The following TNS1 variants were observed in gnomAD, a reference collection of about 807,000 sequenced individuals.
TNS1 encodes tensin-1.
In TNS1, 62 loss-of-function variants were observed where a neutral mutation model predicts 168.6. The observed-to-expected ratio is 0.37, with a 90% CI of 0.30 to 0.45. TNS1 has a LOEUF of 0.45. TNS1 is among the 20% of genes least tolerant of loss of function. The pLI is 1.00. For synonymous variants in TNS1, 934 were observed against 933.2 expected (o/e 1.00, Z -0.02); for missense variants, 2,240 against 2,339.4 (o/e 0.96, Z 0.88).
At chr2:217,980,514 G>C (rs969267318) in intron 2 of TNS1, among the ~76,000 whole-genome samples, 6 of 64,326 alleles carry the variant, frequency 9.3e-5, no homozygotes, top group Admixed American at 1.7e-4. Flanking sequence ...CACAGAGAGA[G>C]AGAGAGAGAG....
chr2:217,952,212 C>T (rs1298910354), intron 3 of TNS1, among the ~76,000 whole-genome samples: 1 of 152,244 alleles, frequency 6.6e-6, no homozygotes, highest in East Asian at 1.9e-4. Flanking sequence ...GCCCCAGTGC[C>T]TGCATTCACT....
chr2:217,808,536 C>G, intron 31 of TNS1, 67 bp downstream of exon 31: 2 of 1,437,588 alleles, frequency 1.4e-6, no homozygotes, highest in South Asian at 1.2e-5. Flanking sequence ...CATGCACATG[C>G]ATGCACCCAC....
intron 19 of TNS1, among the ~76,000 whole-genome samples, chr2:217,844,521 T>A (rs548062316): frequency 6.6e-6 from 1 of 152,128 alleles, no homozygotes; most frequent in African/African-American, 2.4e-5. Flanking sequence ...TCTCCAAACA[T>A]TTTCTGTGCT....
Position 217,886,107 on chromosome 2 carries a change from G to A in TNS1, c.980-3C>T. 1 of 1,613,990 alleles carries A rather than the reference G, an allele frequency of 6.2e-7. No individual in the cohort carries two copies. The highest frequency in any genetic ancestry group is 8.5e-7 in the Non-Finnish European group (1 of 1,179,956). On this transcript the variant is annotated splice_polypyrimidine_tract_variant and splice_region_variant and intron_variant, in intron 13 of 32. Coordinates refer to ENST00000682258, the MANE Select transcript of TNS1 (RefSeq NM_001387777.1). ...GATGCGGAGAAATGGCCGACATCCT[G>A]TAAAAGTGGGGTGGGTGTTAGCTAA...
chr2:217,835,050 G>A (rs1366686295), intron 21 of TNS1, 41 bp downstream of exon 21: 1 of 1,525,504 alleles, frequency 6.6e-7, no homozygotes, highest in East Asian at 2.5e-5. Context: ...TGAGGGGCTG[G>A]AGGGTACACA....
intron 3 of TNS1, among the ~76,000 whole-genome samples, chr2:217,957,474 T>G (rs1575137202): frequency 6.6e-6 from 1 of 151,984 alleles, no homozygotes; most frequent in East Asian, 1.9e-4. Flanking sequence ...GTAAAAACCA[T>G]GAAATAAGGA....
chr2:217,869,712 T>C (rs1949606078), intron 18 of TNS1, among the ~76,000 whole-genome samples: 1 of 152,240 alleles, frequency 6.6e-6, no homozygotes, highest in Admixed American at 6.5e-5. Flanking sequence ...TTGTAAAGGT[T>C]GCTTTGAAAA....
rs767538088 is a variant in TNS1 at position 217,892,999 on chromosome 2, C to T, written c.731G>A (p.Arg244Lys). ...VVLHNKGNRG[R>K]IGVVIAAYMH... ...GTAAGCCGCGATGACAACTCCTATC[C>T]TGCCTCGGTTTCCCTGAAAGAGCCC... The change falls in exon 11 of 33, where the codon AGG (arginine) becomes AAG (lysine). Residue 244 changes from arginine (R) to lysine (K), a missense_variant. Arg to Lys is a conservative substitution (Grantham distance 26). Transcript: ENST00000682258. The T allele has an allele frequency of 6.2e-7, 1 of 1,614,082 alleles. No homozygotes were observed. Among genetic ancestry groups the T allele is most frequent in the Non-Finnish European group, 8.5e-7 (1 of 1,180,028 alleles).
intron 19 of TNS1, among the ~76,000 whole-genome samples, chr2:217,838,260 G>C (rs917811414): frequency 1.5e-4 from 23 of 152,214 alleles, no homozygotes; most frequent in Non-Finnish European, 1.6e-4. Flanking sequence ...GTTTGCATTT[G>C]AGGCACCGAA....
intron 1 of TNS1, among the ~76,000 whole-genome samples, chr2:218,002,067 A>C (rs1161502772): frequency 2.0e-5 from 3 of 152,104 alleles, no homozygotes; most frequent in Middle Eastern, 3.2e-3. Context: ...GCCCTTCTGC[A>C]GCAGGCAGCC....
chr2:217,829,829 G>T, intron 22 of TNS1: 1 of 1,614,026 alleles, frequency 6.2e-7, no homozygotes, highest in Non-Finnish European at 8.5e-7. Flanking sequence ...GGAAGTCACA[G>T]CAAATGCTAC....
At chr2:217,810,051 C>T (rs1940549117) in intron 29 of TNS1, 60 bp from the exon 30 acceptor site, 1 of 1,565,866 alleles carries the variant, frequency 6.4e-7, no homozygotes, top group Admixed American at 1.7e-5. Flanking sequence ...GACATTAACC[C>T]AGATCCATTC....
At chr2:217,907,319 T>C (rs1393417256) in intron 4 of TNS1, 68 bp from the exon 5 acceptor site, 1 of 699,796 alleles carries the variant, frequency 1.4e-6, no homozygotes, top group Non-Finnish European at 2.6e-6. Flanking sequence ...TCTCTCCCCA[T>C]GGCTAGTGGC....
At chr2:217,981,187 C>G (rs149930805) in intron 2 of TNS1, among the ~76,000 whole-genome samples, 1 of 152,206 alleles carries the variant, frequency 6.6e-6, no homozygotes, top group Admixed American at 6.5e-5. Flanking sequence ...GGAGGCCCAT[C>G]CCCTGGGCAG....
chr2:217,957,296 C>G (rs187176735), intron 3 of TNS1, among the ~76,000 whole-genome samples: 2 of 152,184 alleles, frequency 1.3e-5, no homozygotes, highest in Non-Finnish European at 2.9e-5. Flanking sequence ...CAAGCTCCCC[C>G]TCCCTGCCCA....
chr2:218,014,850 T>A (rs1043943260), upstream of TNS1, among the ~76,000 whole-genome samples: 1 of 143,912 alleles, frequency 6.9e-6, no homozygotes, highest in African/African-American at 2.6e-5. Context: ...AGTTAAAGGA[T>A]TGCAGGAGGG....
In TNS1 at chr2:217,934,509, C is replaced by T. The variant is rs541869237; in HGVS notation, c.187-14273G>A. On this transcript the variant is annotated intron_variant, in intron 3 of 32. Transcript: ENST00000682258. ...GTTACTCACTTTGCCTCTGCACCCC[C>T]ATCCCCAGCACATCACTTCCTCCCA... Among the ~76,000 whole-genome samples the T allele has an allele frequency of 2.1e-3, 315 of 152,200 alleles. 3 individuals carry two copies. The highest frequency in any genetic ancestry group is 3.1e-3 in the Non-Finnish European group (212 of 68,028).
chr2:217,876,427 G>A (rs949343481), intron 18 of TNS1, among the ~76,000 whole-genome samples: 1 of 152,196 alleles, frequency 6.6e-6, no homozygotes, highest in African/African-American at 2.4e-5. Context: ...GAGCCGGCAG[G>A]CTCCAGATCT....
intron 6 of TNS1, among the ~76,000 whole-genome samples, chr2:217,904,559 T>C (rs184118008): frequency 1.3e-3 from 192 of 152,048 alleles, no homozygotes; most frequent in Admixed American, 3.5e-3. Context: ...TCATTTTGTC[T>C]CTCCTCCCAT....
Sources: allele counts gnomAD v4.1 joint callset (sites outside exome capture counted in the v4.1 genomes callset), GRCh38; gene constraint gnomAD v4.1.1; transcripts MANE v1.5; gene names NCBI Gene and HGNC (gene_info 2026-07-23, HGNC 2026-07-21).